Variants in RBFOX1 observed in about 807,000 individuals in gnomAD.
RBFOX1 encodes the protein RNA binding fox-1 homolog 1, also known as RNA binding protein fox-1 homolog 1.
RBFOX1 carries 8 observed loss-of-function variants against 57.7 expected under a neutral mutation model. The ratio of observed to expected loss-of-function variants is 0.14; its 90% CI spans 0.08 to 0.25. The LOEUF (loss-of-function observed/expected upper bound fraction) is 0.25, where lower values mean the gene tolerates loss of function less well. Ranked by LOEUF, RBFOX1 falls within the 10% of genes least tolerant of loss-of-function variation. The pLI is 1.00. For synonymous variants in RBFOX1, 326 were observed against 222.4 expected (o/e 1.47, Z -4.15); for missense variants, 611 against 548.5 (o/e 1.11, Z -1.14).
chr16:7,190,959 C>T (rs1281988097), intron 4 of RBFOX1, among the ~76,000 whole-genome samples: 1 of 151,872 alleles, frequency 6.6e-6, no homozygotes, highest in South Asian at 2.1e-4. Flanking sequence ...CTAATCATCT[C>T]AATCAGAACC....
intron 1 of RBFOX1, among the ~76,000 whole-genome samples, chr16:6,125,704 G>T (rs1374320513): frequency 6.6e-6 from 1 of 152,104 alleles, no homozygotes; most frequent in Non-Finnish European, 1.5e-5. Flanking sequence ...CTGGATTGAT[G>T]GTTCTGGTTG....
chr16:6,086,378 A>C (rs779602991), intron 1 of RBFOX1, among the ~76,000 whole-genome samples: 1 of 152,086 alleles, frequency 6.6e-6, no homozygotes, highest in Non-Finnish European at 1.5e-5. Flanking sequence ...CTGCTGCCCA[A>C]AGTTACTCTG....
At chr16:6,944,893 T>C (rs1396851486) in intron 3 of RBFOX1, among the ~76,000 whole-genome samples, 1 of 152,152 alleles carries the variant, frequency 6.6e-6, no homozygotes, top group South Asian at 2.1e-4. Context: ...TGGGTAGCTA[T>C]GAATTTGCAG....
At chr16:5,933,567 C>G (rs143635974) in intron 4 of RBFOX1, among the ~76,000 whole-genome samples, 1 of 152,270 alleles carries the variant, frequency 6.6e-6, no homozygotes, top group East Asian at 1.9e-4. Flanking sequence ...CACAGAAAAA[C>G]AGAAATTGCC....
intron 1 of RBFOX1, among the ~76,000 whole-genome samples, chr16:5,323,099 C>T (rs1367961473): frequency 3.3e-5 from 5 of 152,168 alleles, no homozygotes; most frequent in African/African-American, 1.2e-4. Flanking sequence ...GGAACATCTC[C>T]CTGATAAGGA....
intron 2 of RBFOX1, among the ~76,000 whole-genome samples, chr16:6,338,157 C>T (rs192305940): frequency 6.6e-6 from 1 of 152,004 alleles, no homozygotes; most frequent in Non-Finnish European, 1.5e-5. Context: ...AAAAAGATAC[C>T]TTCATTTTCC....
chr16:5,652,759 T>A (rs1483786223), intron 3 of RBFOX1, among the ~76,000 whole-genome samples: 1 of 152,214 alleles, frequency 6.6e-6, no homozygotes, highest in African/African-American at 2.4e-5. Context: ...CAGACTTGAA[T>A]TCAGATTCTG....
At chr16:6,059,285 G>T (rs2095654646) in intron 1 of RBFOX1, 1 of 152,098 alleles carries the variant, frequency 6.6e-6, no homozygotes, top group South Asian at 2.1e-4. Context: ...CCTAAGCAGT[G>T]GCCATTATAA....
At chr16:7,054,783 G>T (rs911174625) in intron 4 of RBFOX1, among the ~76,000 whole-genome samples, 3 of 152,188 alleles carry the variant, frequency 2.0e-5, no homozygotes, top group African/African-American at 7.2e-5. Flanking sequence ...TATCCAGGAT[G>T]ACTGGACTGT....
chr16:6,862,836 T>C (rs1174390896), intron 3 of RBFOX1, among the ~76,000 whole-genome samples: 3 of 151,940 alleles, frequency 2.0e-5, no homozygotes, highest in Non-Finnish European at 2.9e-5. Context: ...AATACAAAAA[T>C]TAGCCAGTCA....
At chr16:6,661,491 G>T (rs1423457675) in intron 3 of RBFOX1, among the ~76,000 whole-genome samples, 1 of 152,204 alleles carries the variant, frequency 6.6e-6, no homozygotes, top group Non-Finnish European at 1.5e-5. Context: ...TTAGGGTTCT[G>T]TGTCAATCCT....
chr16:5,402,220 G>A (rs997163508), intron 1 of RBFOX1, among the ~76,000 whole-genome samples: 7 of 152,082 alleles, frequency 4.6e-5, no homozygotes, highest in Non-Finnish European at 2.9e-5. Flanking sequence ...ACACCCCAGC[G>A]TACTGGAGAA....
At chr16:6,729,050 C>G (rs1282175357) in intron 3 of RBFOX1, among the ~76,000 whole-genome samples, 1 of 152,102 alleles carries the variant, frequency 6.6e-6, no homozygotes, top group East Asian at 1.9e-4. Flanking sequence ...TCATTTGATC[C>G]TGTTTCTCAC....
At chr16:5,815,539 A>T (rs1297761246) in intron 3 of RBFOX1, among the ~76,000 whole-genome samples, 1 of 152,120 alleles carries the variant, frequency 6.6e-6, no homozygotes, top group Non-Finnish European at 1.5e-5. Context: ...TTTGGACCCC[A>T]CTCAGAAAGT....
intron 1 of RBFOX1, among the ~76,000 whole-genome samples, chr16:6,103,944 G>A (rs150319733): frequency 3.7e-4 from 56 of 152,186 alleles, no homozygotes; most frequent in East Asian, 1.4e-3. Context: ...CTATTACTTC[G>A]CCCTAGCCAT....
intron 4 of RBFOX1, among the ~76,000 whole-genome samples, chr16:7,377,766 G>C (rs899231710): frequency 3.3e-5 from 5 of 152,186 alleles, no homozygotes; most frequent in African/African-American, 1.2e-4. Context: ...CTAGGCCCCT[G>C]CTGTCTCAGA....
intron 1 of RBFOX1, among the ~76,000 whole-genome samples, chr16:5,285,074 C>G (rs772162368): frequency 2.0e-5 from 3 of 152,162 alleles, no homozygotes; most frequent in Non-Finnish European, 4.4e-5. Flanking sequence ...CCCATCTCAT[C>G]TCCATCTGGA....
intron 3 of RBFOX1, among the ~76,000 whole-genome samples, chr16:6,972,864 C>T (rs1172968452): frequency 6.6e-6 from 1 of 152,118 alleles, no homozygotes; most frequent in Non-Finnish European, 1.5e-5. Flanking sequence ...TGGTTCATGC[C>T]TGTTATCACA....
At chr16:7,443,443 G>A (rs977879758) in intron 4 of RBFOX1, among the ~76,000 whole-genome samples, 2 of 95,404 alleles carry the variant, frequency 2.1e-5, no homozygotes. Context: ...CTCTTTCTTT[G>A]CCCCCTCCCC....
Sources: allele counts gnomAD v4.1 joint callset (sites outside exome capture counted in the v4.1 genomes callset), GRCh38; gene constraint gnomAD v4.1.1; transcripts MANE v1.5; gene names NCBI Gene and HGNC (gene_info 2026-07-23, HGNC 2026-07-21).